The following C1QTNF3 variants were observed in gnomAD, a reference collection of about 807,000 sequenced individuals.
The protein encoded by C1QTNF3 is complement C1q tumor necrosis factor-related protein 3.
C1QTNF3 carries 26 observed loss-of-function variants against 32.6 expected under a neutral mutation model. That is an observed-to-expected ratio of 0.80 (90% CI 0.58 to 1.11). The LOEUF (loss-of-function observed/expected upper bound fraction) is 1.11. C1QTNF3 is among the 50% of genes least tolerant of loss of function. C1QTNF3 has a pLI of 0.00. For synonymous variants in C1QTNF3, 155 were observed against 146.0 expected (o/e 1.06, Z -0.44); for missense variants, 362 against 398.2 (o/e 0.91, Z 0.77).
At chr5:34,133,570 T>C in the C1QTNF3 span, among the ~76,000 whole-genome samples, 81 of 152,296 alleles carry the variant, frequency 5.3e-4, 1 homozygote, top group South Asian at 0.015. Context: ...TATAGAGCAT[T>C]GGATTCCAGA....
At chr5:34,118,959 T>C in the C1QTNF3 span, among the ~76,000 whole-genome samples, 1 of 152,194 alleles carries the variant, frequency 6.6e-6, no homozygotes, top group Admixed American at 6.5e-5. Flanking sequence ...GTGTGTGTGT[T>C]TGTATATACA....
chr5:34,094,437 C>T, the C1QTNF3 span, among the ~76,000 whole-genome samples: 1 of 151,958 alleles, frequency 6.6e-6, no homozygotes, highest in African/African-American at 2.4e-5. Context: ...TAGCAAAACA[C>T]TAAGGAAAAT....
the C1QTNF3 span, among the ~76,000 whole-genome samples, chr5:34,224,629 T>C: frequency 3.2e-4 from 48 of 152,276 alleles, no homozygotes; most frequent in African/African-American, 1.2e-3. Context: ...ATCCCTTCCT[T>C]ACACCTTATA....
the C1QTNF3 span, among the ~76,000 whole-genome samples, chr5:34,134,094 C>A: frequency 1.3e-4 from 20 of 152,200 alleles, 1 homozygote; most frequent in East Asian, 3.7e-3. Flanking sequence ...GACCTAATAA[C>A]ACCATATCAT....
chr5:34,058,571 G>C, the C1QTNF3 span, among the ~76,000 whole-genome samples: 1 of 152,194 alleles, frequency 6.6e-6, no homozygotes, highest in Admixed American at 6.5e-5. Flanking sequence ...GCCTGAGTCA[G>C]ACAAATGATA....
the C1QTNF3 span, among the ~76,000 whole-genome samples, chr5:34,147,857 A>G: frequency 6.6e-6 from 1 of 152,218 alleles, no homozygotes; most frequent in East Asian, 1.9e-4. Context: ...GGAGGAGCCA[A>G]GATGGCCGAA....
At chr5:34,126,364 T>C in the C1QTNF3 span, among the ~76,000 whole-genome samples, 1 of 149,898 alleles carries the variant, frequency 6.7e-6, no homozygotes, top group East Asian at 2.0e-4. Flanking sequence ...TCTGAAGTGA[T>C]CATCTGATCC....
At position 34,020,373 on chromosome 5, in the gene C1QTNF3, A is replaced by G; in HGVS notation, c.*210T>C. On this transcript the variant is annotated 3_prime_UTR_variant, in exon 6 of 6. Transcript: ENST00000382065. ...GATAAAGATGCTGAGTATATTAGTC[A>G]AGGTCATCTGAGAAGACTATTTTGT... 1.8e-6 allele frequency: 1 copy of G among 555,128 alleles called. No individual in the cohort carries two copies. The highest frequency in any genetic ancestry group is 3.2e-6 in the Non-Finnish European group (1 of 315,984). 34.4% of individuals were successfully genotyped at this position (555,128 alleles called of 1,614,324 possible).
chr5:34,106,194 C>T, the C1QTNF3 span: 1 of 150,670 alleles, frequency 6.6e-6, no homozygotes, highest in African/African-American at 2.4e-5. Flanking sequence ...TAAATTTTAG[C>T]AAATATTTGC....
At chr5:34,044,771 G>C (rs1453947987), upstream of C1QTNF3, among the ~76,000 whole-genome samples, 4 of 152,114 alleles carry the variant, frequency 2.6e-5, no homozygotes, top group Non-Finnish European at 2.9e-5. Context: ...CACCTAGTAG[G>C]GCATAAAAAT....
At chr5:34,240,706 T>C in the C1QTNF3 span, among the ~76,000 whole-genome samples, 2 of 152,200 alleles carry the variant, frequency 1.3e-5, no homozygotes, top group African/African-American at 4.8e-5. Flanking sequence ...GAAGAACTAC[T>C]ACAATTCTAC....
the C1QTNF3 span, chr5:34,166,853 C>A: frequency 6.6e-6 from 1 of 151,444 alleles, no homozygotes; most frequent in Non-Finnish European, 1.5e-5. Context: ...TGAAAACATA[C>A]CTAGATCATA....
At chr5:34,024,649 G>A (rs299606) in intron 4 of C1QTNF3, among the ~76,000 whole-genome samples, 67,247 of 151,998 alleles carry the variant, frequency 0.44, 16,307 homozygotes, top group South Asian at 0.68. Context: ...TCTTCATTTG[G>A]AAAAGACCAA....
At chr5:34,085,352 C>A in the C1QTNF3 span, among the ~76,000 whole-genome samples, 1 of 150,286 alleles carries the variant, frequency 6.7e-6, no homozygotes, top group African/African-American at 2.5e-5. Context: ...AAGAAGGAGT[C>A]CAGTTTCAGT....
the C1QTNF3 span, among the ~76,000 whole-genome samples, chr5:34,057,042 T>C: frequency 6.6e-6 from 1 of 152,176 alleles, no homozygotes; most frequent in Non-Finnish European, 1.5e-5. Flanking sequence ...TTAATAATGT[T>C]CAGGAATCTG....
At chr5:34,132,435 G>GTGTATATATATATATA in the C1QTNF3 span, among the ~76,000 whole-genome samples, 1 of 137,722 alleles carries the variant, frequency 7.3e-6, no homozygotes, top group African/African-American at 2.9e-5. Context: ...GTATGTGTAT[G>GTGTATATATATATATA]TATATATATA....
the C1QTNF3 span, among the ~76,000 whole-genome samples, chr5:34,096,683 A>T: frequency 6.7e-6 from 1 of 149,696 alleles, no homozygotes; most frequent in Non-Finnish European, 1.5e-5. Flanking sequence ...ATAGATGGGA[A>T]AAATTAAAAT....
the C1QTNF3 span, among the ~76,000 whole-genome samples, chr5:34,223,589 T>C: frequency 1.4e-4 from 21 of 150,550 alleles, no homozygotes; most frequent in Non-Finnish European, 2.4e-4. Context: ...CCTGAGGAAT[T>C]GCCACACTGA....
At chr5:34,160,978 G>C in the C1QTNF3 span, among the ~76,000 whole-genome samples, 2 of 152,114 alleles carry the variant, frequency 1.3e-5, no homozygotes, top group Admixed American at 6.6e-5. Context: ...TCATAGTTTG[G>C]ATTTTCTAGA....
Sources: allele counts gnomAD v4.1 joint callset (sites outside exome capture counted in the v4.1 genomes callset), GRCh38; gene constraint gnomAD v4.1.1; transcripts MANE v1.5; gene names NCBI Gene and HGNC (gene_info 2026-07-23, HGNC 2026-07-21).